The following ANKRD36C variants were observed in gnomAD, a reference collection of about 807,000 sequenced individuals.
The protein encoded by ANKRD36C is ankyrin repeat domain 36C.
ANKRD36C carries 61 observed loss-of-function variants against 276.4 expected under a neutral mutation model. That is an observed-to-expected ratio of 0.22 (90% CI 0.18 to 0.27). The LOEUF (loss-of-function observed/expected upper bound fraction) is 0.27, where lower values mean the gene tolerates loss of function less well. Among genes scored for constraint, ANKRD36C ranks in the 10% least tolerant of loss-of-function variants. ANKRD36C has a pLI of 1.00. For synonymous variants in ANKRD36C, 483 were observed against 680.1 expected, an observed-to-expected ratio of 0.71 and a Z score of 4.51; for missense variants, 1,447 against 2,032.3, an observed-to-expected ratio of 0.71 and a Z score of 5.54.
chr2:95,886,486 A>G (rs549696825), intron 50 of ANKRD36C, among the ~76,000 whole-genome samples: 2 of 151,776 alleles, frequency 1.3e-5, no homozygotes, highest in Non-Finnish European at 3.0e-5. Flanking sequence ...TATGACTAAA[A>G]CTAAAATAAA....
intron 42 of ANKRD36C, among the ~76,000 whole-genome samples, chr2:95,910,956 A>G (rs1312668180): frequency 2.0e-5 from 3 of 151,392 alleles, no homozygotes; most frequent in Non-Finnish European, 4.4e-5. Flanking sequence ...GCAACAAATC[A>G]AAAGGATTTA....
At chr2:95,941,933 GATT>G (rs1045515983) in intron 19 of ANKRD36C, among the ~76,000 whole-genome samples, 4 of 152,420 alleles carry the variant, frequency 2.6e-5, no homozygotes, top group Admixed American at 2.6e-4. Flanking sequence ...TGAGTCACTG[GATT>G]GGCAATGTGA....
chr2:95,857,386 C>T (rs1675439498), exon 62 of ANKRD36C: 6 of 1,610,136 alleles, frequency 3.7e-6, no homozygotes, highest in Non-Finnish European at 5.1e-6. Context: ...TTTGTCACAT[C>T]AGCTTCTATC....
intron 48 of ANKRD36C, among the ~76,000 whole-genome samples, chr2:95,888,418 T>G (rs1367302893): frequency 6.6e-6 from 1 of 151,702 alleles, no homozygotes; most frequent in Non-Finnish European, 1.5e-5. Flanking sequence ...ACAAATGTGA[T>G]CTAAAATCAG....
intron 58 of ANKRD36C, among the ~76,000 whole-genome samples, chr2:95,878,133 G>A (rs1217873430): frequency 2.7e-5 from 4 of 148,032 alleles, no homozygotes; most frequent in Non-Finnish European, 4.5e-5. Context: ...GCAGTGAGCC[G>A]AGATTGTGCC....
chr2:95,910,934 C>T (rs1439549522), intron 42 of ANKRD36C, among the ~76,000 whole-genome samples: 1 of 151,396 alleles, frequency 6.6e-6, no homozygotes, highest in Admixed American at 6.6e-5. Flanking sequence ...CATGATCCCA[C>T]ATGTCTTTCG....
chr2:95,967,451 C>T (rs543876584), intron 6 of ANKRD36C, among the ~76,000 whole-genome samples: 2 of 152,248 alleles, frequency 1.3e-5, no homozygotes, highest in East Asian at 3.9e-4. Context: ...CCATCTCACG[C>T]CATTTAGAAT....
At chr2:95,887,847 C>A in intron 50 of ANKRD36C, 78 bp downstream of exon 70, 2 of 1,516,894 alleles carry the variant, frequency 1.3e-6, no homozygotes, top group South Asian at 2.4e-5. Context: ...TGATGAGCCC[C>A]GCACTGATTT....
chr2:95,969,999 C>G (rs2918857), intron 6 of ANKRD36C, among the ~76,000 whole-genome samples: 7 of 152,220 alleles, frequency 4.6e-5, no homozygotes, highest in South Asian at 2.1e-4. Flanking sequence ...GTCTTGAAAT[C>G]TATCCCCCAT....
At chr2:95,918,024 G>A (rs1356470672) in exon 35 of ANKRD36C, 1 of 1,600,776 alleles carries the variant, frequency 6.2e-7, no homozygotes, top group East Asian at 2.3e-5. Context: ...CTTCAAGGCT[G>A]GTTGTTTCTG....
chr2:95,896,064 C>G (rs1676540252), intron 44 of ANKRD36C, among the ~76,000 whole-genome samples: 1 of 147,968 alleles, frequency 6.8e-6, no homozygotes, highest in African/African-American at 2.5e-5. Context: ...TACGATGACA[C>G]TCCAGCTGAA....
At chr2:95,914,028 C>A in intron 40 of ANKRD36C, 80 bp downstream of exon 42, 3 of 1,364,496 alleles carry the variant, frequency 2.2e-6, no homozygotes, top group Admixed American at 2.1e-5. Context: ...CTTCAACGAG[C>A]CCCCCGCTGA....
At chr2:95,991,630 G>A (rs868677824) in exon 1 of ANKRD36C, 6 of 1,614,066 alleles carry the variant, frequency 3.7e-6, no homozygotes, top group Admixed American at 3.3e-5. Flanking sequence ...GGTTTAATGG[G>A]GTATTGGGGA....
At chr2:95,962,415 C>T in exon 8 of ANKRD36C, 1 of 1,572,636 alleles carries the variant, frequency 6.4e-7, no homozygotes, top group South Asian at 1.1e-5. Flanking sequence ...TCTTCCTTGC[C>T]ACTTGTAGCC....
chr2:95,853,503 G>A (rs558771810), intron 64 of ANKRD36C: 2 of 397,098 alleles, frequency 5.0e-6, no homozygotes, highest in South Asian at 9.8e-5. Flanking sequence ...CAGAGATTAA[G>A]ATATAGGTGC....
downstream of ANKRD36C, among the ~76,000 whole-genome samples, chr2:95,849,855 G>A (rs761783154): frequency 5.3e-5 from 8 of 152,178 alleles, no homozygotes; most frequent in Non-Finnish European, 1.0e-4. Flanking sequence ...AACGGGCAGT[G>A]GCTGGAAATA....
At chr2:95,975,773 A>G (rs1220223826) in intron 6 of ANKRD36C, among the ~76,000 whole-genome samples, 1 of 152,242 alleles carries the variant, frequency 6.6e-6, no homozygotes, top group African/African-American at 2.4e-5. Flanking sequence ...CAAATATGAC[A>G]CATGGGATCT....
At chr2:95,879,431 C>G (rs1433472562) in intron 58 of ANKRD36C, among the ~76,000 whole-genome samples, 6 of 151,138 alleles carry the variant, frequency 4.0e-5, no homozygotes, top group Admixed American at 2.0e-4. Flanking sequence ...TCCATTTTAG[C>G]ATTACTGAGG....
At chr2:95,857,589 C>T (rs1276524669) in intron 61 of ANKRD36C, 97 bp from the exon 82 acceptor site, 51 of 1,227,786 alleles carry the variant, frequency 4.2e-5, no homozygotes, top group Non-Finnish European at 5.2e-5. Flanking sequence ...TCCAGGGAGT[C>T]GTGCCCTACA....
Sources: allele counts gnomAD v4.1 joint callset (sites outside exome capture counted in the v4.1 genomes callset), GRCh38; gene constraint gnomAD v4.1.1; transcripts MANE v1.5; gene names NCBI Gene and HGNC (gene_info 2026-07-23, HGNC 2026-07-21).